TANC1: variants seen among roughly 807,000 people sequenced by gnomAD.
TANC1 encodes tetratricopeptide repeat, ankyrin repeat and coiled-coil containing 1.
Under a neutral mutation model 149.7 loss-of-function variants are expected in TANC1, and 77 were observed. The observed-to-expected ratio is 0.51, with a 90% confidence interval of 0.43 to 0.62. TANC1 has a LOEUF of 0.62. Ranked by LOEUF, TANC1 falls within the 20% of genes least tolerant of loss-of-function variation. The pLI, the probability that TANC1 is intolerant of heterozygous loss-of-function variation, is 0.00. For synonymous variants in TANC1, 854 were observed against 925.0 expected (o/e 0.92, Z 1.39); for missense variants, 1,985 against 2,321.8 (o/e 0.85, Z 2.98).
chr2:159,089,684 C>T (rs2045325822), intron 3 of TANC1, among the ~76,000 whole-genome samples: 1 of 152,184 alleles, frequency 6.6e-6, no homozygotes, highest in Non-Finnish European at 1.5e-5. Context: ...ATGACCAGGA[C>T]CTGGAAGAGA....
chr2:159,223,079 T>A (rs181717589), intron 22 of TANC1, among the ~76,000 whole-genome samples: 130 of 152,298 alleles, frequency 8.5e-4, no homozygotes, highest in African/African-American at 3.0e-3. Context: ...CTTATTTTTG[T>A]ATTTTTAGTA....
chr2:159,183,239 A>G (rs983440562), intron 14 of TANC1, among the ~76,000 whole-genome samples: 3 of 152,318 alleles, frequency 2.0e-5, no homozygotes, highest in African/African-American at 7.2e-5. Flanking sequence ...AGGGTAAGAA[A>G]GGCAGGTGGT....
At chr2:159,031,818 A>C (rs531501876) in intron 2 of TANC1, among the ~76,000 whole-genome samples, 1 of 152,236 alleles carries the variant, frequency 6.6e-6, no homozygotes, top group Admixed American at 6.5e-5. Context: ...TGTGGTTCAC[A>C]TGGGCATGCA....
At chr2:158,990,617 C>G (rs2149272452) in intron 1 of TANC1, among the ~76,000 whole-genome samples, 1 of 152,212 alleles carries the variant, frequency 6.6e-6, no homozygotes, top group African/African-American at 2.4e-5. Flanking sequence ...TGGGTTGTAG[C>G]CAAAGCAACA....
intron 4 of TANC1, among the ~76,000 whole-genome samples, chr2:159,121,730 G>T (rs1389914987): frequency 1.3e-5 from 2 of 152,196 alleles, no homozygotes; most frequent in African/African-American, 4.8e-5. Flanking sequence ...CAGAGAATTG[G>T]TATGGACAAA....
At chr2:158,984,113 A>G (rs2034739394) in intron 1 of TANC1, among the ~76,000 whole-genome samples, 1 of 152,208 alleles carries the variant, frequency 6.6e-6, no homozygotes, top group South Asian at 2.1e-4. Context: ...TTGATTCCCT[A>G]CAGACTTCAA....
chr2:159,033,264 G>C (rs1466000643), intron 2 of TANC1, among the ~76,000 whole-genome samples: 2 of 152,152 alleles, frequency 1.3e-5, no homozygotes, highest in Non-Finnish European at 2.9e-5. Context: ...GATCCAAGTG[G>C]GATTCAAGTA....
chr2:159,059,256 G>C (rs984967640), intron 2 of TANC1, among the ~76,000 whole-genome samples: 4 of 152,120 alleles, frequency 2.6e-5, no homozygotes, highest in African/African-American at 9.7e-5. Flanking sequence ...TAATCCCTGT[G>C]CTTTGGGAGG....
At chr2:159,018,003 GT>G (rs2038449370) in intron 2 of TANC1, among the ~76,000 whole-genome samples, 1 of 152,168 alleles carries the variant, frequency 6.6e-6, no homozygotes, top group African/African-American at 2.4e-5. Flanking sequence ...GTATGTGTGC[GT>G]TTTGAATACT....
chr2:159,155,857 A>G (rs553982212), intron 7 of TANC1, among the ~76,000 whole-genome samples: 4 of 152,284 alleles, frequency 2.6e-5, no homozygotes, highest in Admixed American at 6.5e-5. Context: ...CTAGAGTTTG[A>G]TAATATTTAT....
intron 3 of TANC1, among the ~76,000 whole-genome samples, chr2:159,090,377 A>G (rs2045396388): frequency 6.6e-6 from 1 of 152,056 alleles, no homozygotes; most frequent in Non-Finnish European, 1.5e-5. Context: ...AGCATTCCAG[A>G]TCTTTTTGAC....
intron 4 of TANC1, among the ~76,000 whole-genome samples, chr2:159,111,312 C>T (rs1448643544): frequency 6.6e-6 from 1 of 152,168 alleles, no homozygotes; most frequent in Non-Finnish European, 1.5e-5. Context: ...AACAAAACTC[C>T]GGTTGAAACT....
chr2:159,144,487 T>G (rs1381094608), intron 5 of TANC1, among the ~76,000 whole-genome samples: 1 of 152,210 alleles, frequency 6.6e-6, no homozygotes, highest in Non-Finnish European at 1.5e-5. Flanking sequence ...GTGATTCTCC[T>G]GCCTCAACCT....
intron 2 of TANC1, among the ~76,000 whole-genome samples, chr2:159,063,772 T>C (rs2042435026): frequency 6.6e-6 from 1 of 152,146 alleles, no homozygotes; most frequent in African/African-American, 2.4e-5. Context: ...AATAGCTGAG[T>C]GCCCCAAAAT....
intron 2 of TANC1, chr2:159,056,062 T>G (rs2041826429): frequency 3.2e-6 from 1 of 314,416 alleles, no homozygotes; most frequent in African/African-American, 2.3e-5. Flanking sequence ...GCAGTCAGAC[T>G]GCATGTAGGC....
intron 5 of TANC1, among the ~76,000 whole-genome samples, chr2:159,145,575 G>T (rs898043479): frequency 6.6e-6 from 1 of 152,154 alleles, no homozygotes; most frequent in Admixed American, 6.5e-5. Context: ...TGGTTGTAGA[G>T]GGCACTGATG....
At chr2:159,149,051 C>T in intron 5 of TANC1, 91 bp from the exon 6 acceptor site, 1 of 1,414,872 alleles carries the variant, frequency 7.1e-7, no homozygotes, top group Admixed American at 2.3e-5. Context: ...CACAAAATCA[C>T]CAGACAAAGC....
chr2:158,991,285 A>G (rs2035600554), intron 1 of TANC1, among the ~76,000 whole-genome samples: 1 of 152,126 alleles, frequency 6.6e-6, no homozygotes, highest in African/African-American at 2.4e-5. Context: ...AGTGTTAATA[A>G]CATACTCATG....
chr2:159,047,713 A>G lies in TANC1; in HGVS notation c.-15-18183A>G, dbSNP rs142641059. Among the ~76,000 whole-genome samples the G allele has an allele frequency of 5.2e-3, 796 of 152,238 alleles. 10 individuals are homozygous for G. Among genetic ancestry groups the G allele is most frequent in the African/African-American group, 0.018 (731 of 41,522 alleles). ...TTGATTGATGTCTCATGTTTCCCTA[A>G]AATGTATAAAACCAAGCTGTGCTCT... On this transcript the variant is annotated intron_variant, in intron 2 of 26. Transcript: ENST00000263635.
Sources: allele counts gnomAD v4.1 joint callset (sites outside exome capture counted in the v4.1 genomes callset), GRCh38; gene constraint gnomAD v4.1.1; transcripts MANE v1.5; gene names NCBI Gene and HGNC (gene_info 2026-07-23, HGNC 2026-07-21).